The following DDX20 variants were observed in gnomAD, a reference collection of about 807,000 sequenced individuals.
The protein encoded by DDX20 is probable ATP-dependent RNA helicase DDX20.
DDX20 carries 61 observed loss-of-function variants against 76.4 expected under a neutral mutation model. The observed-to-expected ratio is 0.80, with a 90% CI of 0.65 to 0.99. DDX20 has a LOEUF of 0.99. DDX20 is among the 50% of genes least tolerant of loss of function. The pLI is 0.00. For missense variants in DDX20, 976 were observed against 996.8 expected, an observed-to-expected ratio of 0.98 and a Z score of 0.28; for synonymous variants, 357 against 357.4, an observed-to-expected ratio of 1.00 and a Z score of 0.01.
rs201858996 is a variant in DDX20 at position 111,760,455 on chromosome 1, A to ATT, written c.566-8_566-7dup. 660 of 1,134,484 alleles carry ATT rather than the reference A, an allele frequency of 5.8e-4. No homozygotes were observed. Among genetic ancestry groups the ATT allele is most frequent in the Admixed American group, 1.1e-3 (45 of 40,042 alleles). 70.3% of individuals were successfully genotyped at this position (1,134,484 alleles called of 1,614,324 possible). ...AATTTGGTACATCATAAATATTTCA[A>ATT]TTTTTTTTTTTTAATTAGGCAGAAT... On this transcript the variant is annotated intron_variant, in intron 3 of 10. Transcript: ENST00000369702.
In DDX20 at chr1:111,760,851, G is replaced by A. The variant is rs1167445093; in HGVS notation, c.823+3G>A. ...TTCCAGTGATCCAAGTCTCATAGGT[G>A]TGTACAGCTTTTAGGTACTTATATT... is the stretch of plus-strand genomic sequence containing the variant. On this transcript the variant is annotated splice_donor_region_variant and intron_variant, in intron 5 of 10. Coordinates refer to ENST00000369702, the MANE Select transcript of DDX20 (RefSeq NM_007204.5). The A allele has an allele frequency of 1.2e-6, 2 of 1,607,926 alleles. No homozygotes were observed. Among genetic ancestry groups the A allele is most frequent in the African/African-American group, 1.3e-5 (1 of 74,664 alleles).
At chr1:111,762,815 T>TTTAAGGGGAGG (rs200640014) in intron 9 of DDX20, 33 bp downstream of exon 9, 59,706 of 1,588,316 alleles carry the variant, frequency 0.038, 1,423 homozygotes, top group Admixed American at 0.09. Flanking sequence ...GAGTGCTTTC[T>TTTAAGGGGAGG]TTAAGGGGAG....
At chr1:111,763,158 C>T in intron 10 of DDX20, 151 bp downstream of exon 10, 9 of 637,862 alleles carry the variant, frequency 1.4e-5, no homozygotes, top group South Asian at 2.0e-5. Flanking sequence ...TCACCACACT[C>T]CTATGAGGTG....
chr1:111,759,367 G>T, intron 2 of DDX20, 33 bp from the exon 3 acceptor site: 2 of 1,546,234 alleles, frequency 1.3e-6, no homozygotes, highest in South Asian at 2.4e-5. Context: ...TTATTCCTCT[G>T]ACTCAAAGGT....
chr1:111,756,938 A>C (rs956113631), intron 2 of DDX20, among the ~76,000 whole-genome samples, 198 bp downstream of exon 2: 1 of 152,216 alleles, frequency 6.6e-6, no homozygotes, highest in African/African-American at 2.4e-5. Flanking sequence ...CAATTTTGTC[A>C]CTACTTGGTA....
chr1:111,760,300 C>T (rs1020846152), intron 3 of DDX20, 174 bp from the exon 4 acceptor site: 2 of 511,850 alleles, frequency 3.9e-6, no homozygotes, highest in Non-Finnish European at 6.8e-6. Context: ...TGAGTTTAGT[C>T]AAGATCAGAG....
intron 1 of DDX20, 41 bp downstream of exon 1, chr1:111,756,266 G>T: frequency 1.5e-5 from 13 of 842,478 alleles, no homozygotes; most frequent in South Asian, 2.0e-5. Context: ...GGTGGGGTGG[G>T]AGAAGGGGGA....
At chr1:111,759,075 A>G (rs197397) in intron 2 of DDX20, among the ~76,000 whole-genome samples, 28,875 of 152,202 alleles carry the variant, frequency 0.19, 3,766 homozygotes, top group African/African-American at 0.37. Context: ...AATACGGTGT[A>G]ACCATTTACA....
rs1479194494 is a variant in DDX20 at position 111,759,549 on chromosome 1, T to C, written c.546T>C (p.His182=). ...ACAAAACCAGACTTAAAAAGTGTCA[T>C]ATTGCTGTTGGATCTCCTGGTAAGA... ...SQDKTRLKKC[H]IAVGSPGRIK... The change falls in exon 3 of 11, where the codon CAT becomes CAC. Residue 182 remains histidine (H), a synonymous_variant. Transcript: ENST00000369702. The C allele has an allele frequency of 1.9e-6, 3 of 1,613,334 alleles. No individual in the cohort carries two copies. In the South Asian group the frequency reaches 3.3e-5, roughly 18 times the overall value.
At chr1:111,762,099 G>C (rs41282538) in intron 7 of DDX20, 156 bp from the exon 8 acceptor site, 60,261 of 549,964 alleles carry the variant, frequency 0.11, 3,728 homozygotes, top group Non-Finnish European at 0.13. Flanking sequence ...TTTAACTTTG[G>C]ATCTTAACCT....
Position 111,766,469 on chromosome 1 carries a change from T to G in DDX20, c.2045T>G (p.Leu682Arg). 1 of 1,614,182 alleles carries G rather than the reference T, an allele frequency of 6.2e-7. No homozygotes were observed. Among genetic ancestry groups the G allele is most frequent in the Non-Finnish European group, 8.5e-7 (1 of 1,180,006 alleles). ...TTGGAAGGCTCTTCTGATAATCAGC[T>G]GAAAGACTCTGAATCTACGCCTGTG... ...SYLEGSSDNQ[L>R]KDSESTPVDD... Residue 682 changes from leucine (L) to arginine (R), a missense_variant, in exon 11 of 11, where the codon CTG (leucine) becomes CGG (arginine). Leu to Arg is a moderately radical substitution (Grantham distance 102, BLOSUM62 -2). This residue lies in a region of DDX20 where 630 missense variants were observed against 693.7 expected (regional missense o/e 0.91). Coordinates refer to ENST00000369702, the MANE Select transcript of DDX20 (RefSeq NM_007204.5).
At position 111,762,329 on chromosome 1, in the gene DDX20, A is replaced by G. The variant is rs1447251657; in HGVS notation, c.1096A>G (p.Thr366Ala). 6.2e-7 allele frequency: 1 copy of G among 1,613,018 alleles called. No homozygotes were observed. ...KHFHCRVLISTDLTSRGIDAE... is the reference protein window; with the variant it reads ...KHFHCRVLISADLTSRGIDAE... ...CTTTCATTGCAGAGTCCTCATTTCCACAGATTTGGTAAATTTCCTATTCAG... is the reference window on the plus strand; with the variant it reads ...CTTTCATTGCAGAGTCCTCATTTCCGCAGATTTGGTAAATTTCCTATTCAG... Residue 366 changes from threonine to alanine, a missense_variant, in exon 8 of 11, where the codon ACA (threonine) becomes GCA (alanine). By Grantham distance (58) the Thr-to-Ala change is moderately conservative. Around this residue, in one of 3 missense-constraint regions of DDX20, gnomAD observed 630 missense variants for 693.7 expected, o/e 0.91. Coordinates refer to ENST00000369702, the MANE Select transcript of DDX20 (RefSeq NM_007204.5).
At position 111,762,332 on chromosome 1, in the gene DDX20, G is replaced by A; in HGVS notation, c.1099G>A (p.Asp367Asn). 6.2e-7 allele frequency: 1 copy of A among 1,612,806 alleles called. No homozygotes were observed. The highest frequency in any genetic ancestry group is 8.5e-7 in the Non-Finnish European group (1 of 1,179,446). ...TCATTGCAGAGTCCTCATTTCCACA[G>A]ATTTGGTAAATTTCCTATTCAGTTT... ...HFHCRVLISTDLTSRGIDAEK... is the reference protein window; with the variant it reads ...HFHCRVLISTNLTSRGIDAEK... Residue 367 changes from aspartate (D) to asparagine (N), a missense_variant, in exon 8 of 11, where the codon GAT becomes AAT. Physicochemically the swap from Asp to Asn is conservative, Grantham distance 23. Transcript: ENST00000369702.
chr1:111,758,356 T>A (rs1425192007), intron 2 of DDX20, among the ~76,000 whole-genome samples: 1 of 42,098 alleles, frequency 2.4e-5, no homozygotes, highest in African/African-American at 2.4e-4. Context: ...TCCTAGTCCT[T>A]TTTTTTTTTT....
rs760895638 is a variant in DDX20, at chr1:111,761,068, A to G, written c.905A>G (p.Glu302Gly). ...VFEEKTQHLQ[E>G]LFSRIPFNQA... ...GAGGAAAAGACTCAGCATTTACAGG[A>G]ACTGTTCAGCAGAATTCCATTTAAT... Residue 302 changes from glutamate (E) to glycine (G), a missense_variant, in exon 6 of 11, where the codon GAA becomes GGA. By Grantham distance (98) the Glu-to-Gly change is moderately conservative (BLOSUM62 -2). This residue lies in a region of DDX20 where 630 missense variants were observed against 693.7 expected (regional missense o/e 0.91). Coordinates refer to ENST00000369702, the MANE Select transcript of DDX20 (RefSeq NM_007204.5). 3 of 1,614,000 alleles carry G rather than the reference A, an allele frequency of 1.9e-6. No homozygotes were observed. Among genetic ancestry groups the G allele is most frequent in the East Asian group, 2.2e-5 (1 of 44,846 alleles).
intron 2 of DDX20, among the ~76,000 whole-genome samples, chr1:111,757,911 G>A (rs1156315618): frequency 4.0e-5 from 6 of 150,344 alleles, no homozygotes; most frequent in Non-Finnish European, 8.9e-5. Flanking sequence ...GCTGGAGTCA[G>A]TGGCACAATC....
rs1385637008 is a variant in DDX20 at position 111,760,528 on chromosome 1, T to C, written c.620T>C (p.Leu207Pro). Residue 207 changes from leucine to proline, a missense_variant, in exon 4 of 11, where the codon CTC (leucine) becomes CCC (proline). Around this residue, in one of 3 missense-constraint regions of DDX20, gnomAD observed 343 missense variants for 286.4 expected, o/e 1.20. Coordinates refer to ENST00000369702, the MANE Select transcript of DDX20 (RefSeq NM_007204.5). ...TACTTGAACCCAGGCAGTATACGCCTCTTTATTCTTGATGAAGCAGATAAG... is the reference window on the plus strand; with the variant it reads ...TACTTGAACCCAGGCAGTATACGCCCCTTTATTCTTGATGAAGCAGATAAG... ...LDYLNPGSIR[L>P]FILDEADKLL... is the part of the protein sequence containing the mutation. 12 of 1,613,340 alleles carry C rather than the reference T, an allele frequency of 7.4e-6. No homozygotes were observed. Among genetic ancestry groups the C allele is most frequent in the Non-Finnish European group, 1.0e-5 (12 of 1,179,848 alleles).
chr1:111,765,760 G>C lies in DDX20; in HGVS notation c.1336G>C (p.Glu446Gln). ...LPDPIPSGLM[E>Q]ECVDWDVEVK... ...AGATCCCATTCCTTCTGGTCTGATGGAAGAATGTGTGGATTGGGATGTGGA... is the reference window on the plus strand; with the variant it reads ...AGATCCCATTCCTTCTGGTCTGATGCAAGAATGTGTGGATTGGGATGTGGA... Residue 446 changes from glutamate to glutamine, a missense_variant, in exon 11 of 11, where the codon GAA becomes CAA. By Grantham distance (29) the Glu-to-Gln change is conservative. Around this residue, in one of 3 missense-constraint regions of DDX20, gnomAD observed 630 missense variants for 693.7 expected, o/e 0.91. Coordinates refer to ENST00000369702, the MANE Select transcript of DDX20 (RefSeq NM_007204.5). 6.2e-7 allele frequency: 1 copy of C among 1,601,794 alleles called. No individual in the cohort carries two copies. Among genetic ancestry groups the C allele is most frequent in the African/African-American group, 1.3e-5 (1 of 74,080 alleles).
In DDX20 at chr1:111,767,676, T is replaced by C. The variant is rs575473300; in HGVS notation, c.*777T>C. On this transcript the variant is annotated 3_prime_UTR_variant, in exon 11 of 11. Transcript: ENST00000369702. Reference sequence around the variant, plus strand: ...AATCAGCTGATAGCTATAGATTGACTTCAGGAAATTTCTCATTCCATAAGC... The same window carrying C: ...AATCAGCTGATAGCTATAGATTGACCTCAGGAAATTTCTCATTCCATAAGC... 3.9e-5 allele frequency: 6 copies of C among 152,292 alleles called. No homozygotes were observed. Among genetic ancestry groups the C allele is most frequent in the African/African-American group, 1.2e-4 (5 of 41,572 alleles). 9.4% of individuals were successfully genotyped at this position (152,292 alleles called of 1,614,324 possible).
Sources: gnomAD v4.1 joint callset for allele counts (sites outside exome capture counted in the v4.1 genomes callset) on GRCh38, gnomAD v4.1.1 for gene constraint, gnomAD v4.1.1 regional missense constraint, MANE v1.5 for transcripts, NCBI Gene and HGNC (gene_info 2026-07-23, HGNC 2026-07-21) for gene names.